Variants in DNAJC5B observed in about 807,000 individuals in gnomAD.
The protein encoded by DNAJC5B is dnaJ homolog subfamily C member 5B.
In DNAJC5B, 23 loss-of-function variants were observed where a neutral mutation model predicts 24.7. The observed-to-expected ratio is 0.93, with a 90% CI of 0.67 to 1.32. DNAJC5B has a LOEUF of 1.32. DNAJC5B is among the 40% of genes most tolerant of loss of function. The pLI is 0.00. For missense variants in DNAJC5B, 238 were observed against 240.8 expected (o/e 0.99, Z 0.08); for synonymous variants, 101 against 90.1 (o/e 1.12, Z -0.68).
intron 3 of DNAJC5B, among the ~76,000 whole-genome samples, chr8:66,072,144 C>A (rs1292163203): frequency 6.6e-6 from 1 of 152,002 alleles, no homozygotes; most frequent in African/African-American, 2.4e-5. Context: ...CACGTGTGTA[C>A]CTATGTAACA....
intron 1 of DNAJC5B, among the ~76,000 whole-genome samples, chr8:66,023,839 G>A (rs893125561): frequency 1.3e-5 from 2 of 152,182 alleles, no homozygotes; most frequent in African/African-American, 2.4e-5. Context: ...TCCAGGGTTT[G>A]ACATACATGA....
intron 3 of DNAJC5B, among the ~76,000 whole-genome samples, chr8:66,053,612 G>C (rs1213011684): frequency 6.7e-6 from 1 of 149,316 alleles, no homozygotes; most frequent in Non-Finnish European, 1.5e-5. Flanking sequence ...GGTTGTATTA[G>C]TCTATATTCT....
intron 4 of DNAJC5B, among the ~76,000 whole-genome samples, chr8:66,079,190 G>A (rs1807537234): frequency 6.6e-6 from 1 of 152,116 alleles, no homozygotes; most frequent in Admixed American, 6.5e-5. Context: ...TTCACCAGGT[G>A]GAGCAAATCA....
chr8:66,029,732 G>C (rs1018821401), intron 1 of DNAJC5B, among the ~76,000 whole-genome samples: 1 of 152,136 alleles, frequency 6.6e-6, no homozygotes, highest in African/African-American at 2.4e-5. Context: ...TAAATGGAGA[G>C]GGTGAGTGAA....
chr8:66,032,132 G>A (rs1264234647), intron 1 of DNAJC5B, among the ~76,000 whole-genome samples: 8 of 152,222 alleles, frequency 5.3e-5, no homozygotes, highest in Non-Finnish European at 1.2e-4. Context: ...CTAGTAAATG[G>A]CAGGGCCAGG....
At chr8:66,077,024 G>A in intron 4 of DNAJC5B, 151 bp downstream of exon 4, 1 of 757,806 alleles carries the variant, frequency 1.3e-6, no homozygotes, top group South Asian at 1.9e-5. Context: ...CTATTATTTA[G>A]GATCATTTCT....
intron 3 of DNAJC5B, among the ~76,000 whole-genome samples, chr8:66,054,767 C>T (rs1806926936): frequency 6.6e-6 from 1 of 152,154 alleles, no homozygotes; most frequent in South Asian, 2.1e-4. Context: ...TTTCATTTTG[C>T]CCTAGACCTA....
At chr8:66,043,907 A>C (rs1586075503) in intron 2 of DNAJC5B, among the ~76,000 whole-genome samples, 1 of 149,752 alleles carries the variant, frequency 6.7e-6, no homozygotes, top group African/African-American at 2.5e-5. Context: ...GATCACTGCA[A>C]CCTCTGCCTC....
At chr8:66,076,512 T>C in intron 3 of DNAJC5B, 148 bp from the exon 4 acceptor site, 2 of 798,698 alleles carry the variant, frequency 2.5e-6, no homozygotes, top group Admixed American at 2.5e-5. Flanking sequence ...AGTGAAAATG[T>C]ACTTGTTAAT....
At chr8:66,038,794 T>C (rs1475827180) in intron 1 of DNAJC5B, among the ~76,000 whole-genome samples, 12 of 152,228 alleles carry the variant, frequency 7.9e-5, no homozygotes, top group Admixed American at 7.2e-4. Flanking sequence ...AATACATCTG[T>C]TTGACCTGAA....
At chr8:66,098,066 C>T (rs1807991931) in intron 5 of DNAJC5B, among the ~76,000 whole-genome samples, 1 of 152,160 alleles carries the variant, frequency 6.6e-6, no homozygotes, top group Non-Finnish European at 1.5e-5. Flanking sequence ...ATTGGCCAGG[C>T]TGGTTTTGAA....
At position 66,076,883 on chromosome 8, in the gene DNAJC5B, A is replaced by G. The variant is rs940971309; in HGVS notation, c.333+10A>G. 1 of 1,613,764 alleles carries G rather than the reference A, an allele frequency of 6.2e-7. No individual in the cohort carries two copies. Among genetic ancestry groups the G allele is most frequent in the African/African-American group, 1.3e-5 (1 of 74,912 alleles). On this transcript the variant is annotated intron_variant, in intron 4 of 5. Coordinates refer to ENST00000276570, the MANE Select transcript of DNAJC5B (RefSeq NM_033105.6). ...GAGCTGGTGGGCAAAGGTGAAACTG[A>G]ATTTCCTTTCTTCACAATCTCCTGT...
At chr8:66,095,835 C>A (rs180792736) in intron 5 of DNAJC5B, among the ~76,000 whole-genome samples, 8 of 152,084 alleles carry the variant, frequency 5.3e-5, no homozygotes, top group Admixed American at 1.3e-4. Flanking sequence ...TTGTTTGTAT[C>A]TAACTTGACT....
At chr8:66,068,241 G>A (rs1237523042) in intron 3 of DNAJC5B, among the ~76,000 whole-genome samples, 1 of 152,130 alleles carries the variant, frequency 6.6e-6, no homozygotes, top group Non-Finnish European at 1.5e-5. Flanking sequence ...AGAGCCATGA[G>A]AATTTTAGAC....
At chr8:66,041,815 T>C (rs1394450353) in intron 1 of DNAJC5B, among the ~76,000 whole-genome samples, 1 of 152,244 alleles carries the variant, frequency 6.6e-6, no homozygotes, top group Non-Finnish European at 1.5e-5. Context: ...TCTCTGGCTG[T>C]ATCTTTTGAT....
intron 4 of DNAJC5B, among the ~76,000 whole-genome samples, chr8:66,078,423 A>G (rs1807519211): frequency 6.6e-6 from 1 of 152,210 alleles, no homozygotes; most frequent in South Asian, 2.1e-4. Context: ...TTATAAAAAT[A>G]TTGGACACCT....
chr8:66,044,804 C>T (rs188192085), intron 2 of DNAJC5B, among the ~76,000 whole-genome samples: 48 of 152,138 alleles, frequency 3.2e-4, no homozygotes, highest in African/African-American at 1.1e-3. Flanking sequence ...ATTTTTCTCC[C>T]CATTGGATGC....
At chr8:66,084,431 G>A (rs551854161) in intron 5 of DNAJC5B, among the ~76,000 whole-genome samples, 1 of 152,182 alleles carries the variant, frequency 6.6e-6, no homozygotes, top group South Asian at 2.1e-4. Flanking sequence ...ATTCAAAAAT[G>A]GCAAACTGTT....
At chr8:66,022,303 T>C (rs1240960031) in intron 1 of DNAJC5B, among the ~76,000 whole-genome samples, 2 of 152,220 alleles carry the variant, frequency 1.3e-5, no homozygotes, top group African/African-American at 4.8e-5. Flanking sequence ...TACTTGTTTC[T>C]TCCTGGAGTC....
Sources: gnomAD v4.1 joint callset for allele counts (sites outside exome capture counted in the v4.1 genomes callset) on GRCh38, gnomAD v4.1.1 for gene constraint, MANE v1.5 for transcripts, NCBI Gene and HGNC (gene_info 2026-07-23, HGNC 2026-07-21) for gene names.